The following PPIP5K1 variants were observed in gnomAD, a reference collection of about 807,000 sequenced individuals.
PPIP5K1 encodes inositol hexakisphosphate and diphosphoinositol-pentakisphosphate kinase 1.
PPIP5K1 carries 6 observed loss-of-function variants against 27.7 expected under a neutral mutation model. The observed-to-expected ratio is 0.22, with a 90% CI of 0.12 to 0.43. PPIP5K1 has a LOEUF of 0.43. Ranked by LOEUF, PPIP5K1 falls within the 20% of genes least tolerant of loss-of-function variation. The probability of loss-of-function intolerance (pLI) is 1.00; values close to 1 mark genes in which losing one functional copy is unlikely to be tolerated. For missense variants in PPIP5K1, 394 were observed against 635.4 expected (o/e 0.62, Z 4.08); for synonymous variants, 145 against 242.6 (o/e 0.60, Z 3.74).
At chr15:43,542,598 C>T (rs1305204831) in intron 30 of PPIP5K1, among the ~76,000 whole-genome samples, 1 of 151,090 alleles carries the variant, frequency 6.6e-6, no homozygotes, top group Non-Finnish European at 1.5e-5. Flanking sequence ...TAGCACCCAG[C>T]TCTTGTTTTC....
chr15:43,543,180 T>A (rs919650114), intron 30 of PPIP5K1, among the ~76,000 whole-genome samples: 2 of 147,266 alleles, frequency 1.4e-5, no homozygotes, highest in Non-Finnish European at 3.0e-5. Flanking sequence ...TCACAATACA[T>A]AAACAGATAT....
chr15:43,551,636 T>C (rs1447124621), intron 30 of PPIP5K1, among the ~76,000 whole-genome samples: 2 of 84,922 alleles, frequency 2.4e-5, no homozygotes, highest in Admixed American at 2.3e-4. Context: ...GGAGTCTCGC[T>C]CTGTCGCCCA....
At chr15:43,538,852 G>C (rs1020090214) in intron 31 of PPIP5K1, among the ~76,000 whole-genome samples, 1 of 152,174 alleles carries the variant, frequency 6.6e-6, no homozygotes, top group Non-Finnish European at 1.5e-5. Flanking sequence ...TTGTCTGCTA[G>C]TCATCTTTAC....
At chr15:43,549,056 A>AAT (rs762219321) in intron 30 of PPIP5K1, among the ~76,000 whole-genome samples, 3,122 of 53,766 alleles carry the variant, frequency 0.058, 118 homozygotes, top group East Asian at 0.11. Flanking sequence ...AAAAAAAAAA[A>AAT]ATATATATAT....
rs1202774230 is a variant in PPIP5K1 at position 43,579,044 on chromosome 15, T to C, written c.1138A>G (p.Ile380Val). ...ATAGTGCCAGATGTGGTGGGAACAA[T>C]GGGAATGTCCTCAGCCTCCGTGGGG... ...SIPTEAEDIPIVPTTSGTMME... is the reference protein window; with the variant it reads ...SIPTEAEDIPVVPTTSGTMME... The change falls in exon 11 of 32, where the codon ATT becomes GTT. Residue 380 changes from isoleucine to valine, a missense_variant. Physicochemically the swap from Ile to Val is conservative, Grantham distance 29. Around this residue, in one of 4 missense-constraint regions of PPIP5K1, gnomAD observed 0 missense variants for 101.0 expected, o/e 0.00. Coordinates refer to ENST00000420765, the MANE Select transcript of PPIP5K1 (RefSeq NM_001394395.1). 2 of 100,908 alleles carry C rather than the reference T, an allele frequency of 2.0e-5. No homozygotes were observed. The highest frequency in any genetic ancestry group is 3.8e-4 in the Admixed American group (2 of 5,228). 6.3% of individuals were successfully genotyped at this position (100,908 alleles called of 1,614,324 possible). A position where few individuals can be genotyped will look rare whatever the true frequency, so the allele number is the denominator to read the frequency against.
intron 29 of PPIP5K1, 151 bp from the exon 30 acceptor site, chr15:43,559,083 T>A (rs1323232455): frequency 1.2e-6 from 1 of 848,572 alleles, no homozygotes; most frequent in East Asian, 2.5e-5. Flanking sequence ...AGGGAACTCT[T>A]TAGAGCCCCT....
intron 1 of PPIP5K1, among the ~76,000 whole-genome samples, chr15:43,586,706 GATAATAATAATAATA>G (rs139100270): frequency 5.2e-4 from 50 of 96,468 alleles, no homozygotes; most frequent in African/African-American, 9.2e-4. Flanking sequence ...AAATAATGAT[GATAATAATAATAATA>G]ATAATAATAA....
chr15:43,581,291 C>A lies in PPIP5K1; in HGVS notation c.875G>T (p.Arg292Leu). ...VERDSEGKEI[R>L]YPVMLTAMEK... Reference sequence around the variant, plus strand: ...CATGGCAGTCAGCATGACTGGATATCGAATCTCTTTCCCCTCACTGTCTCG... The same window carrying A: ...CATGGCAGTCAGCATGACTGGATATAGAATCTCTTTCCCCTCACTGTCTCG... The change falls in exon 9 of 32, where the codon CGA (arginine) becomes CTA (leucine). Residue 292 changes from arginine to leucine, a missense_variant. Arg to Leu is a moderately radical substitution (Grantham distance 102, BLOSUM62 -2). Coordinates refer to ENST00000420765, the MANE Select transcript of PPIP5K1 (RefSeq NM_001394395.1). 6.2e-7 allele frequency: 1 copy of A among 1,613,336 alleles called. No homozygotes were observed. The highest frequency in any genetic ancestry group is 8.5e-7 in the Non-Finnish European group (1 of 1,179,862).
intron 30 of PPIP5K1, 128 bp downstream of exon 30, chr15:43,558,667 C>T: frequency 7.6e-7 from 1 of 1,315,738 alleles, no homozygotes; most frequent in Non-Finnish European, 1.0e-6. Flanking sequence ...AGCAATTATA[C>T]ATTTTTAAGT....
chr15:43,551,255 C>T (rs763532109), intron 30 of PPIP5K1, among the ~76,000 whole-genome samples: 3 of 152,064 alleles, frequency 2.0e-5, no homozygotes, highest in Non-Finnish European at 2.9e-5. Context: ...CAGTGGCTTA[C>T]ACCAGTAATC....
chr15:43,553,463 C>T (rs1476423913), intron 30 of PPIP5K1, among the ~76,000 whole-genome samples: 4 of 151,992 alleles, frequency 2.6e-5, no homozygotes, highest in African/African-American at 7.3e-5. Flanking sequence ...TCACCTTAGC[C>T]CCTCGGATAG....
intron 29 of PPIP5K1, among the ~76,000 whole-genome samples, chr15:43,559,329 G>T (rs1479655374): frequency 1.3e-5 from 2 of 152,242 alleles, no homozygotes; most frequent in Non-Finnish European, 2.9e-5. Flanking sequence ...AGGGAGGTCA[G>T]GGAGCTGGGA....
chr15:43,537,282 T>G (rs2079990886), intron 31 of PPIP5K1: 1 of 177,370 alleles, frequency 5.6e-6, no homozygotes, highest in Non-Finnish European at 1.1e-5. Flanking sequence ...GAGGCGGAGG[T>G]TGCAGTGAGC....
intron 30 of PPIP5K1, among the ~76,000 whole-genome samples, chr15:43,543,978 T>C (rs1262264716): frequency 6.6e-6 from 1 of 152,064 alleles, no homozygotes; most frequent in African/African-American, 2.4e-5. Context: ...ACCCATGTGG[T>C]TATGTTACTA....
At chr15:43,579,751 C>T (rs1412675908) in intron 10 of PPIP5K1, among the ~76,000 whole-genome samples, 11 of 19,128 alleles carry the variant, frequency 5.8e-4, no homozygotes, top group Non-Finnish European at 7.0e-4. Flanking sequence ...CAACCTCCAC[C>T]TCCTGGGATC....
intron 30 of PPIP5K1, among the ~76,000 whole-genome samples, chr15:43,545,228 CTG>C (rs2081231399): frequency 6.6e-6 from 1 of 151,438 alleles, no homozygotes; most frequent in Non-Finnish European, 1.5e-5. Context: ...AACTATAATT[CTG>C]TGAGATACTA....
chr15:43,555,019 T>C (rs2082750759), intron 30 of PPIP5K1, among the ~76,000 whole-genome samples: 1 of 151,884 alleles, frequency 6.6e-6, no homozygotes, highest in South Asian at 2.1e-4. Flanking sequence ...TATTTTTTAG[T>C]AGAGACAAGG....
Position 43,534,329 on chromosome 15 carries a change from A to G in PPIP5K1, c.*345T>C. 1 of 193,408 alleles carries G rather than the reference A, an allele frequency of 5.2e-6. No individual in the cohort carries two copies. Among genetic ancestry groups the G allele is most frequent in the Non-Finnish European group, 1.1e-5 (1 of 95,142 alleles). The allele number at this position is 193,408 out of a possible 1,614,324, so 12.0% of individuals were successfully genotyped here. ...CCCCAAGGAAATCCTATTCAAGTCTAATGGCTAAGTGAGGAGCCAATGGCT... is the reference window on the plus strand; with the variant it reads ...CCCCAAGGAAATCCTATTCAAGTCTGATGGCTAAGTGAGGAGCCAATGGCT... On this transcript the variant is annotated 3_prime_UTR_variant, in exon 32 of 32. Transcript: ENST00000420765.
chr15:43,559,044 G>C (rs1410847250), intron 29 of PPIP5K1, 112 bp from the exon 30 acceptor site: 7 of 1,320,630 alleles, frequency 5.3e-6, no homozygotes, highest in South Asian at 1.3e-5. Flanking sequence ...GTGGCTTTTG[G>C]AGTGTTGGGT....
Sources: gnomAD v4.1 joint callset for allele counts (sites outside exome capture counted in the v4.1 genomes callset) on GRCh38, gnomAD v4.1.1 for gene constraint, gnomAD v4.1.1 regional missense constraint, MANE v1.5 for transcripts, NCBI Gene and HGNC (gene_info 2026-07-23, HGNC 2026-07-21) for gene names.